The following TBC1D16 variants were observed in gnomAD, a reference collection of about 807,000 sequenced individuals.
TBC1D16 encodes CTD-2529O21.1.
Under a neutral mutation model 74.7 loss-of-function variants are expected in TBC1D16, and 58 were observed. That is an observed-to-expected ratio of 0.78 (90% CI 0.63 to 0.97). The LOEUF is 0.97. Ranked by LOEUF, TBC1D16 falls within the 50% of genes least tolerant of loss-of-function variation. The pLI is 0.00. For synonymous variants in TBC1D16, 493 were observed against 474.7 expected, an observed-to-expected ratio of 1.04 and a Z score of -0.50; for missense variants, 1,014 against 1,079.5, an observed-to-expected ratio of 0.94 and a Z score of 0.85.
intron 3 of TBC1D16, among the ~76,000 whole-genome samples, chr17:79,998,238 A>T (rs568461175): frequency 1.3e-5 from 2 of 151,296 alleles, no homozygotes; most frequent in South Asian, 4.2e-4. Context: ...AGCCCCCAGC[A>T]GGTGTTGATC....
chr17:79,941,206 G>C lies in TBC1D16; in HGVS notation c.2056-99C>G, dbSNP rs955315359. The C allele has an allele frequency of 1.5e-4, 183 of 1,217,760 alleles. No individual in the cohort carries two copies. The highest frequency in any genetic ancestry group is 2.0e-4 in the Non-Finnish European group (179 of 881,658). 75.4% of individuals were successfully genotyped at this position (1,217,760 alleles called of 1,614,324 possible). A position where few individuals can be genotyped will look rare whatever the true frequency, so the allele number is the denominator to read the frequency against. ...CAAAGACAGCAACAGCAGCAACAAC[G>C]GCCTGCACCTCGGGGGCTCACCGAG... On this transcript the variant is annotated intron_variant, in intron 11 of 11. Coordinates refer to ENST00000310924, the MANE Select transcript of TBC1D16 (RefSeq NM_019020.4). This position sits in a 1 kb window ranked among gnomAD's most constrained non-coding sequence, Gnocchi z 4.3.
At chr17:79,973,581 G>A (rs2144139864) in intron 3 of TBC1D16, among the ~76,000 whole-genome samples, 1 of 152,052 alleles carries the variant, frequency 6.6e-6, no homozygotes, top group East Asian at 1.9e-4. Context: ...GTGGCGGCGG[G>A]CGCCTGTAGT....
intron 3 of TBC1D16, among the ~76,000 whole-genome samples, chr17:79,997,319 A>C (rs1400777998): frequency 1.4e-4 from 21 of 150,940 alleles, no homozygotes; most frequent in Admixed American, 1.4e-3. Context: ...CATGGGGGGA[A>C]GTGGGTGAAG....
At chr17:80,027,726 T>G (rs925764139) in intron 1 of TBC1D16, among the ~76,000 whole-genome samples, 2 of 151,274 alleles carry the variant, frequency 1.3e-5, no homozygotes, top group Non-Finnish European at 2.9e-5. Context: ...ACCCCGTCTC[T>G]ACTAGAAATA....
rs2143361924 is a variant in TBC1D16, at chr17:79,940,892, C to G, written c.2271G>C (p.Lys757Asn). 1 of 1,577,778 alleles carries G rather than the reference C, an allele frequency of 6.3e-7. No homozygotes were observed. Among genetic ancestry groups the G allele is most frequent in the South Asian group, 1.1e-5 (1 of 87,848 alleles). Residue 757 changes from lysine to asparagine, a missense_variant, in exon 12 of 12, where the codon AAG (lysine) becomes AAC (asparagine). Physicochemically the swap from Lys to Asn is moderately conservative, Grantham distance 94 (BLOSUM62 0). Coordinates refer to ENST00000310924, the MANE Select transcript of TBC1D16 (RefSeq NM_019020.4). This position sits in a 1 kb window ranked among gnomAD's most constrained non-coding sequence, Gnocchi z 5.4. ...GGAAGCCGAAGCCGTCCTGCGGCGTCTTTGGGCCCTTCTTGCCTTCCCTCA... is the reference window on the plus strand; with the variant it reads ...GGAAGCCGAAGCCGTCCTGCGGCGTGTTTGGGCCCTTCTTGCCTTCCCTCA... ...KSLREGKKGP[K>N]TPQDGFGFRR
chr17:79,978,115 G>T (rs1200734837), intron 3 of TBC1D16, among the ~76,000 whole-genome samples: 1 of 152,208 alleles, frequency 6.6e-6, no homozygotes, highest in Non-Finnish European at 1.5e-5. Context: ...GAGCTCGGGA[G>T]CGCCGACATC....
At chr17:79,969,259 A>G (rs1466506479) in intron 3 of TBC1D16, among the ~76,000 whole-genome samples, 2 of 151,358 alleles carry the variant, frequency 1.3e-5, no homozygotes, top group African/African-American at 2.4e-5. Context: ...GGTGGTGCAC[A>G]CCTATAATCC....
chr17:79,944,236 A>C lies in TBC1D16; in HGVS notation c.1908+672T>G. ...CGTGGTGGATAGAGCCAGCTCCTGC[A>C]AAAGGGTCCAGCCCTCCTGGATGCG... is the stretch of plus-strand genomic sequence containing the variant. On this transcript the variant is annotated intron_variant, in intron 10 of 11. Coordinates refer to ENST00000310924, the MANE Select transcript of TBC1D16 (RefSeq NM_019020.4). This position sits in a 1 kb window ranked among gnomAD's most constrained non-coding sequence, Gnocchi z 7.7. The C allele has an allele frequency of 8.1e-7, 1 of 1,240,408 alleles. No homozygotes were observed. The highest frequency in any genetic ancestry group is 1.1e-6 in the Non-Finnish European group (1 of 886,464). 76.8% of individuals were successfully genotyped at this position (1,240,408 alleles called of 1,614,324 possible).
At chr17:79,958,838 G>GC (rs35565876) in intron 3 of TBC1D16, among the ~76,000 whole-genome samples, 4,816 of 152,312 alleles carry the variant, frequency 0.032, 129 homozygotes, top group Middle Eastern at 0.051. Flanking sequence ...CAGGAACAAG[G>GC]TAAGAATGCC....
chr17:80,033,457 T>C (rs1348618453), intron 1 of TBC1D16, among the ~76,000 whole-genome samples: 4 of 151,870 alleles, frequency 2.6e-5, no homozygotes, highest in African/African-American at 9.7e-5. Flanking sequence ...ACTGCAGCCC[T>C]GACCTCCCGG....
chr17:79,945,290 T>C (rs867242470), intron 9 of TBC1D16, among the ~76,000 whole-genome samples: 4 of 152,274 alleles, frequency 2.6e-5, no homozygotes, highest in Middle Eastern at 6.8e-3. Context: ...TGCCAGTTCC[T>C]CCCAGATCTG....
chr17:80,010,814 T>C lies in TBC1D16; in HGVS notation c.182-57A>G. The C allele has an allele frequency of 7.6e-7, 1 of 1,321,684 alleles. No individual in the cohort carries two copies. Among genetic ancestry groups the C allele is most frequent in the Non-Finnish European group, 1.0e-6 (1 of 997,400 alleles). 81.9% of individuals were successfully genotyped at this position (1,321,684 alleles called of 1,614,324 possible). On this transcript the variant is annotated intron_variant, in intron 2 of 11. Transcript: ENST00000310924. This position sits in a 1 kb window ranked among gnomAD's most constrained non-coding sequence, Gnocchi z 8.8. ...GGCCAGGAGGCTGTGGATGAGGCCC[T>C]TGTGGTACCTTTGGCGAGCTGCTCG...
chr17:79,948,120 G>A (rs2032715342), intron 8 of TBC1D16, among the ~76,000 whole-genome samples: 1 of 152,190 alleles, frequency 6.6e-6, no homozygotes. Context: ...ACACTAGCCT[G>A]GCCAACATGG....
rs754074994 is a variant in TBC1D16, at chr17:79,951,402, G to A, written c.1089+48C>T. The A allele has an allele frequency of 1.7e-5, 27 of 1,596,046 alleles. No individual in the cohort carries two copies. In the South Asian group the frequency reaches 2.2e-4, roughly 13 times the overall value. ...AGGAGGGAGATGGGGCCCGTGGGGG[G>A]TGGGGAGTGTCAACCGCTGGGCATT... On this transcript the variant is annotated intron_variant, in intron 5 of 11. Transcript: ENST00000310924.
At chr17:79,948,081 T>A (rs1006408932) in intron 8 of TBC1D16, among the ~76,000 whole-genome samples, 34 of 151,924 alleles carry the variant, frequency 2.2e-4, no homozygotes, top group African/African-American at 8.2e-4. Flanking sequence ...GAGGCTGAGG[T>A]GGGCAGATCA....
intron 3 of TBC1D16, among the ~76,000 whole-genome samples, chr17:79,982,151 CTT>C (rs796076585): frequency 5.1e-5 from 7 of 137,122 alleles, no homozygotes; most frequent in Non-Finnish European, 4.7e-5. Flanking sequence ...GTTTTTTTTT[CTT>C]TTTTTTTTTT....
rs918662148 is a variant in TBC1D16, at chr17:79,993,522, A to G, written c.779+16638T>C. The G allele has an allele frequency of 1.3e-5, 2 of 152,220 alleles. No homozygotes were observed. The highest frequency in any genetic ancestry group is 2.4e-5 in the African/African-American group (1 of 41,436). 9.4% of individuals were successfully genotyped at this position (152,220 alleles called of 1,614,324 possible). The stretch of plus-strand genomic sequence containing the variant: ...GCCCTTTCTGTTTACTCTGCTGGGA[A>G]GGATATGAAGCCAAACAGAACCAGC... On this transcript the variant is annotated intron_variant, in intron 3 of 11. Coordinates refer to ENST00000310924, the MANE Select transcript of TBC1D16 (RefSeq NM_019020.4). The surrounding 1 kb of genome is among the most constrained non-coding windows in gnomAD (Gnocchi z 5.1).
chr17:80,000,658 C>G lies in TBC1D16; in HGVS notation c.779+9502G>C, dbSNP rs2035452780. Among the ~76,000 whole-genome samples the G allele has an allele frequency of 6.6e-6, 1 of 152,214 alleles. No homozygotes were observed. The highest frequency in any genetic ancestry group is 1.5e-5 in the Non-Finnish European group (1 of 68,040). ...CGTCCAACGGGGCTGGCAACTCAGT[C>G]AGGTACACAGTGATGATGACTGTCT... On this transcript the variant is annotated intron_variant, in intron 3 of 11. Coordinates refer to ENST00000310924, the MANE Select transcript of TBC1D16 (RefSeq NM_019020.4). The surrounding 1 kb of genome is among the most constrained non-coding windows in gnomAD (Gnocchi z 4.1).
intron 3 of TBC1D16, among the ~76,000 whole-genome samples, chr17:80,003,806 T>C (rs926658464): frequency 3.3e-5 from 5 of 152,142 alleles, no homozygotes; most frequent in Admixed American, 2.0e-4. Flanking sequence ...TCCCAGCACT[T>C]TGGGAGGTCC....
Sources: gnomAD v4.1 joint callset for allele counts (sites outside exome capture counted in the v4.1 genomes callset) on GRCh38, gnomAD v4.1.1 for gene constraint, Gnocchi (gnomAD v3.1) non-coding constraint, MANE v1.5 for transcripts, NCBI Gene and HGNC (gene_info 2026-07-23, HGNC 2026-07-21) for gene names.